The following MTHFD2L variants were observed in gnomAD, a reference collection of about 807,000 sequenced individuals.
MTHFD2L encodes the protein methylenetetrahydrofolate dehydrogenase (NADP+ dependent) 2 like.
A neutral mutation model predicts 34.9 loss-of-function variants in MTHFD2L; 29 were observed. The observed-to-expected ratio is 0.83, with a 90% CI of 0.62 to 1.13. The LOEUF (loss-of-function observed/expected upper bound fraction) is 1.13. Ranked by LOEUF, MTHFD2L falls within the 50% of genes most tolerant of loss-of-function variation. The probability of loss-of-function intolerance (pLI) is 0.00; values close to 1 mark genes in which losing one functional copy is unlikely to be tolerated. For synonymous variants in MTHFD2L, 167 were observed against 155.7 expected, an observed-to-expected ratio of 1.07 and a Z score of -0.54; for missense variants, 481 against 446.5, an observed-to-expected ratio of 1.08 and a Z score of -0.70.
rs1056738770 is a variant in MTHFD2L at position 74,302,472 on chromosome 4, A to C, written c.*663A>C. The C allele has an allele frequency of 1.3e-5, 2 of 152,124 alleles. No homozygotes were observed. The highest frequency in any genetic ancestry group is 2.9e-5 in the Non-Finnish European group (2 of 67,996). The allele number at this position is 152,124 out of a possible 1,614,324, so 9.4% of individuals were successfully genotyped here. The stretch of plus-strand genomic sequence containing the variant: ...TGATTTTATCACATGGTGAATGACT[A>C]CTAAGAGTAATGATTATATCACATT... On this transcript the variant is annotated 3_prime_UTR_variant, in exon 8 of 8. Transcript: ENST00000325278.
chr4:74,222,138 C>G (rs1738313365), intron 5 of MTHFD2L, among the ~76,000 whole-genome samples: 1 of 152,060 alleles, frequency 6.6e-6, no homozygotes, highest in East Asian at 1.9e-4. Flanking sequence ...AGTCAACAAA[C>G]TTTCTCATCT....
chr4:74,168,925 G>A (rs902794349), intron 1 of MTHFD2L, among the ~76,000 whole-genome samples: 9 of 152,210 alleles, frequency 5.9e-5, no homozygotes, highest in Admixed American at 2.0e-4. Context: ...TAATGAGAAT[G>A]TGTGAGTTGA....
At chr4:74,258,232 G>A (rs539656048) in intron 6 of MTHFD2L, among the ~76,000 whole-genome samples, 8 of 152,210 alleles carry the variant, frequency 5.3e-5, no homozygotes, top group African/African-American at 1.9e-4. Context: ...TTCTAAGTAC[G>A]TAGCCTATGG....
At chr4:74,135,169 C>T (rs1367060716) in intron 1 of MTHFD2L, among the ~76,000 whole-genome samples, 1 of 151,920 alleles carries the variant, frequency 6.6e-6, no homozygotes, top group Non-Finnish European at 1.5e-5. Context: ...ACTAATCAAA[C>T]TGTCAAAGAT....
intron 3 of MTHFD2L, among the ~76,000 whole-genome samples, 196 bp downstream of exon 3, chr4:74,175,599 T>C (rs1433585925): frequency 6.6e-6 from 1 of 152,086 alleles, no homozygotes; most frequent in Non-Finnish European, 1.5e-5. Flanking sequence ...AAGTGAAATA[T>C]AAGCATTGGC....
chr4:74,211,979 G>A (rs1201251591), intron 5 of MTHFD2L, among the ~76,000 whole-genome samples: 1 of 152,040 alleles, frequency 6.6e-6, no homozygotes, highest in Non-Finnish European at 1.5e-5. Flanking sequence ...GTGTAGAGGT[G>A]TTTATAGTAT....
intron 1 of MTHFD2L, among the ~76,000 whole-genome samples, chr4:74,144,347 GGAGGCTGA>G (rs1723458976): frequency 6.6e-6 from 1 of 152,130 alleles, no homozygotes. Context: ...CAGCTGCTCG[GGAGGCTGA>G]GACAGGAGAA....
chr4:74,267,649 G>C, intron 6 of MTHFD2L: 3 of 849,962 alleles, frequency 3.5e-6, no homozygotes, highest in Non-Finnish European at 4.2e-6. Flanking sequence ...TGCCCAGGCT[G>C]GTTTTGAACT....
intron 2 of MTHFD2L, 133 bp downstream of exon 2, chr4:74,174,823 G>A (rs918435776): frequency 1.6e-6 from 1 of 622,538 alleles, no homozygotes; most frequent in East Asian, 3.4e-5. Context: ...AGATTATTCA[G>A]TTACCAAAGC....
chr4:74,152,811 G>A (rs542444287), intron 1 of MTHFD2L, among the ~76,000 whole-genome samples: 1 of 152,124 alleles, frequency 6.6e-6, no homozygotes, highest in Non-Finnish European at 1.5e-5. Context: ...ACTTCTTTAA[G>A]AGCAGCTAGT....
chr4:74,175,438 T>C (rs1728849428), intron 3 of MTHFD2L, 35 bp downstream of exon 3: 16 of 1,577,894 alleles, frequency 1.0e-5, no homozygotes, highest in African/African-American at 1.4e-5. Context: ...CTGATTTTGT[T>C]AAAAGTGAAA....
At chr4:74,124,819 T>C (rs1721958680), upstream of MTHFD2L, among the ~76,000 whole-genome samples, 1 of 152,132 alleles carries the variant, frequency 6.6e-6, no homozygotes, top group African/African-American at 2.4e-5. Flanking sequence ...CTCAGAATTA[T>C]TCAGAGTGGA....
intron 1 of MTHFD2L, among the ~76,000 whole-genome samples, chr4:74,152,998 T>A (rs1182983288): frequency 6.6e-6 from 1 of 152,248 alleles, no homozygotes; most frequent in Non-Finnish European, 1.5e-5. Context: ...AGGCAGTAGC[T>A]ACCCATGTTG....
At chr4:74,122,551 G>A (rs1388888500), upstream of MTHFD2L, among the ~76,000 whole-genome samples, 1 of 152,024 alleles carries the variant, frequency 6.6e-6, no homozygotes, top group Non-Finnish European at 1.5e-5. Context: ...ACCATAACAG[G>A]GATATATTAT....
chr4:74,218,682 G>GT (rs907553982), intron 5 of MTHFD2L, among the ~76,000 whole-genome samples: 2 of 149,616 alleles, frequency 1.3e-5, no homozygotes, highest in African/African-American at 2.5e-5. Flanking sequence ...TTCTAGCTTT[G>GT]TTTTTTTATA....
chr4:74,187,399 T>G (rs946076647), intron 3 of MTHFD2L, among the ~76,000 whole-genome samples: 4 of 152,128 alleles, frequency 2.6e-5, no homozygotes, highest in Admixed American at 2.6e-4. Flanking sequence ...TAATCATTGC[T>G]GAAACTTTCT....
intron 6 of MTHFD2L, among the ~76,000 whole-genome samples, chr4:74,247,275 C>T (rs1173068226): frequency 4.6e-5 from 7 of 151,778 alleles, no homozygotes; most frequent in African/African-American, 1.7e-4. Flanking sequence ...ATTTGGCTCT[C>T]TGTTTGTCTG....
intron 6 of MTHFD2L, among the ~76,000 whole-genome samples, chr4:74,231,826 C>T (rs1334784640): frequency 6.6e-6 from 1 of 151,920 alleles, no homozygotes; most frequent in Non-Finnish European, 1.5e-5. Context: ...GTAGAATTTC[C>T]CATATCTAAA....
intron 2 of MTHFD2L, among the ~76,000 whole-genome samples, chr4:74,114,838 T>G (rs975486753): frequency 6.6e-6 from 1 of 152,224 alleles, no homozygotes; most frequent in Non-Finnish European, 1.5e-5. Flanking sequence ...TGCTCCAGGA[T>G]AGGCAGTGTG....
Sources: allele counts gnomAD v4.1 joint callset (sites outside exome capture counted in the v4.1 genomes callset), GRCh38; gene constraint gnomAD v4.1.1; transcripts MANE v1.5; gene names NCBI Gene and HGNC (gene_info 2026-07-23, HGNC 2026-07-21).